Variants in RIMS2 observed in about 807,000 individuals in gnomAD.
RIMS2 encodes regulating synaptic membrane exocytosis protein 2.
RIMS2 carries 59 observed loss-of-function variants against 174.4 expected under a neutral mutation model. The observed-to-expected ratio is 0.34, with a 90% CI of 0.27 to 0.42. RIMS2 has a LOEUF of 0.42. RIMS2 is among the 10% of genes least tolerant of loss of function. RIMS2 has a pLI of 1.00. For synonymous variants in RIMS2, 606 were observed against 572.5 expected (o/e 1.06, Z -0.84); for missense variants, 1,620 against 1,666.3 (o/e 0.97, Z 0.48).
At chr8:103,706,748 A>G (rs760339028) in intron 2 of RIMS2, among the ~76,000 whole-genome samples, 13 of 149,930 alleles carry the variant, frequency 8.7e-5, no homozygotes, top group Non-Finnish European at 1.8e-4. Flanking sequence ...TGAAAGTTTG[A>G]TTATTATATG....
intron 16 of RIMS2, 170 bp downstream of exon 18, chr8:103,975,676 G>C: frequency 1.9e-6 from 1 of 520,102 alleles, no homozygotes; most frequent in Non-Finnish European, 3.4e-6. Flanking sequence ...AGCTGGGGAA[G>C]GGAGAAGCCA....
At chr8:103,830,499 A>T (rs1340502896) in intron 3 of RIMS2, among the ~76,000 whole-genome samples, 3 of 152,104 alleles carry the variant, frequency 2.0e-5, no homozygotes. Context: ...AATCAGTTTA[A>T]ATTTATTAGG....
intron 1 of RIMS2, among the ~76,000 whole-genome samples, chr8:103,553,990 G>A (rs147821622): frequency 5.8e-4 from 89 of 152,234 alleles, no homozygotes; most frequent in African/African-American, 2.0e-3. Context: ...GAATAACTGG[G>A]TAGTGTTTGT....
intron 3 of RIMS2, among the ~76,000 whole-genome samples, chr8:103,834,750 CTT>C (rs2098858099): frequency 3.5e-5 from 4 of 114,666 alleles, no homozygotes; most frequent in African/African-American, 1.3e-4. Flanking sequence ...CTTTCTCTCT[CTT>C]TCTTTTTCTC....
rs536056214 is a variant in RIMS2, at chr8:103,986,685, A to T, written c.2928-2620A>T. 2.6e-5 allele frequency among the ~76,000 whole-genome samples: 4 copies of T among 152,206 alleles called. No homozygotes were observed. In the East Asian group the frequency reaches 7.7e-4, roughly 29 times the overall value. ...CTAGTGTTCATGACCAGCCTGGCCAACCTGGTGAAACCCCATCTCTACTAA... is the reference window on the plus strand; with the variant it reads ...CTAGTGTTCATGACCAGCCTGGCCATCCTGGTGAAACCCCATCTCTACTAA... On this transcript the variant is annotated intron_variant, in intron 16 of 23. Transcript: ENST00000504942.
At chr8:103,962,145 T>C (rs768718296) in intron 15 of RIMS2, among the ~76,000 whole-genome samples, 1 of 152,146 alleles carries the variant, frequency 6.6e-6, no homozygotes, top group South Asian at 2.1e-4. Context: ...GGTTTTCTTC[T>C]TCCAAATTCT....
intron 3 of RIMS2, among the ~76,000 whole-genome samples, chr8:103,814,292 A>T (rs1480302580): frequency 6.6e-6 from 1 of 151,956 alleles, no homozygotes; most frequent in Non-Finnish European, 1.5e-5. Flanking sequence ...GTAATAACTA[A>T]TAAGTACTAT....
rs1306035358 is a variant in RIMS2, at chr8:103,809,264, A to AT, written c.698+42740dup. 4.9e-3 allele frequency among the ~76,000 whole-genome samples: 683 copies of AT among 139,978 alleles called. 2 individuals are homozygous for AT. Among genetic ancestry groups the AT allele is most frequent in the Admixed American group, 9.3e-3 (130 of 13,954 alleles). 91.8% of individuals were successfully genotyped at this position (139,978 alleles called of 152,430 possible). On this transcript the variant is annotated intron_variant, in intron 3 of 23. Transcript: ENST00000504942. ...ATTCCATGTTTCTCATCTTGAATCT[A>AT]TTTTTTTTTTTTTAGGAAAACTTCC... is the stretch of plus-strand genomic sequence containing the variant.
chr8:104,122,552 A>T (rs747762661), intron 19 of RIMS2, among the ~76,000 whole-genome samples: 1 of 152,120 alleles, frequency 6.6e-6, no homozygotes, highest in Non-Finnish European at 1.5e-5. Context: ...AAAGTTTGGG[A>T]TGTCAATAGG....
chr8:104,017,632 A>G (rs1434844640), intron 19 of RIMS2, among the ~76,000 whole-genome samples: 1 of 152,154 alleles, frequency 6.6e-6, no homozygotes, highest in African/African-American at 2.4e-5. Flanking sequence ...TATTTTGCCT[A>G]CTTTACCCAG....
At chr8:104,145,936 A>G (rs539416213) in intron 19 of RIMS2, among the ~76,000 whole-genome samples, 10 of 152,056 alleles carry the variant, frequency 6.6e-5, no homozygotes, top group East Asian at 3.9e-4. Context: ...TCCAGTGAAG[A>G]AAGAAAAGGA....
Position 104,173,613 on chromosome 8 carries a change from A to ATTTTTTTTT in RIMS2, c.3335-71278_3335-71270dup, listed in dbSNP as rs71297262. ...AATATTTACTACCTTAGCTCTTCTG[A>ATTTTTTTTT]TTTTTTTTTTTTTTTTTTTTTTTTT... On this transcript the variant is annotated intron_variant, in intron 19 of 23. Transcript: ENST00000504942. Among the ~76,000 whole-genome samples the ATTTTTTTTT allele has an allele frequency of 1.6e-3, 89 of 54,236 alleles. 21 individuals are homozygous for ATTTTTTTTT. The highest frequency in any genetic ancestry group is 5.3e-3 in the South Asian group (5 of 950). The allele number at this position is 54,236 out of a possible 152,430, so 35.6% of individuals were successfully genotyped here. A position where few individuals can be genotyped will look rare whatever the true frequency, so the allele number is the denominator to read the frequency against.
chr8:104,002,975 T>A (rs2095443689), intron 17 of RIMS2, among the ~76,000 whole-genome samples: 2 of 152,226 alleles, frequency 1.3e-5, no homozygotes, highest in South Asian at 4.1e-4. Context: ...TTAAATTCAC[T>A]CATTTGAACA....
chr8:103,577,360 C>G (rs1477937550), intron 1 of RIMS2, among the ~76,000 whole-genome samples: 2 of 152,128 alleles, frequency 1.3e-5, no homozygotes, highest in Non-Finnish European at 2.9e-5. Context: ...AAATGCAAAT[C>G]AAAACCACAG....
chr8:103,727,888 T>C (rs1389404109), intron 2 of RIMS2, among the ~76,000 whole-genome samples: 1 of 152,202 alleles, frequency 6.6e-6, no homozygotes, highest in Non-Finnish European at 1.5e-5. Flanking sequence ...TCCAGTGTTA[T>C]TCTTTTTGCT....
intron 19 of RIMS2, among the ~76,000 whole-genome samples, chr8:104,231,556 G>A (rs1433278584): frequency 2.0e-5 from 3 of 152,158 alleles, no homozygotes; most frequent in African/African-American, 7.2e-5. Context: ...GAAGCTATAG[G>A]AGCTTCTGTA....
chr8:104,223,110 G>A lies in RIMS2; in HGVS notation c.3335-21806G>A, dbSNP rs569966795. On this transcript the variant is annotated intron_variant, in intron 19 of 23. Transcript: ENST00000504942. ...ATTTACCGGTTTACTTATCTGAGAT[G>A]CCTAACTCACTGCATCTAATTAGTC... Among the ~76,000 whole-genome samples, 9 of 152,326 alleles carry A rather than the reference G, an allele frequency of 5.9e-5. No individual in the cohort carries two copies. The Middle Eastern group carries it at 0.01, about 173-fold the overall frequency.
chr8:104,226,256 G>T (rs1000262632), intron 19 of RIMS2, among the ~76,000 whole-genome samples: 2 of 152,184 alleles, frequency 1.3e-5, no homozygotes, highest in African/African-American at 4.8e-5. Flanking sequence ...TAACCAATCA[G>T]TTCAGTAAGC....
chr8:103,691,214 G>A (rs562874371), intron 1 of RIMS2, among the ~76,000 whole-genome samples: 4 of 152,172 alleles, frequency 2.6e-5, no homozygotes, highest in East Asian at 1.9e-4. Context: ...GCTTGTGCTC[G>A]AATATTGATA....
Sources: allele counts gnomAD v4.1 joint callset (sites outside exome capture counted in the v4.1 genomes callset), GRCh38; gene constraint gnomAD v4.1.1; transcripts MANE v1.5; gene names NCBI Gene and HGNC (gene_info 2026-07-23, HGNC 2026-07-21).